XKR6: variants seen among roughly 807,000 people sequenced by gnomAD.
XKR6 encodes the protein XK related 6.
In XKR6, 22 loss-of-function variants were observed where a neutral mutation model predicts 56.7. The observed-to-expected ratio is 0.39, with a 90% confidence interval of 0.28 to 0.55. XKR6 has a LOEUF of 0.55. XKR6 is among the 20% of genes least tolerant of loss of function. XKR6 has a pLI of 0.66. For synonymous variants in XKR6, 524 were observed against 387.8 expected, an observed-to-expected ratio of 1.35 and a Z score of -4.13; for missense variants, 852 against 889.0, an observed-to-expected ratio of 0.96 and a Z score of 0.53.
Position 11,071,374 on chromosome 8 carries a change from G to A in XKR6, c.764+129202C>T, listed in dbSNP as rs554120980. 1.1e-4 allele frequency among the ~76,000 whole-genome samples: 16 copies of A among 152,310 alleles called. No homozygotes were observed. In the South Asian group the frequency reaches 3.3e-3, roughly 32 times the overall value. On this transcript the variant is annotated intron_variant, in intron 1 of 2. Transcript: ENST00000416569. The stretch of plus-strand genomic sequence containing the variant: ...CGTGCCTCAGCCTCCCAAGTAGCTA[G>A]GATTACAGGCACGCGCCACCATGCC...
intron 1 of XKR6, among the ~76,000 whole-genome samples, chr8:10,952,145 C>A (rs1197448402): frequency 6.6e-6 from 1 of 152,208 alleles, no homozygotes; most frequent in Non-Finnish European, 1.5e-5. Context: ...CCATCCCAGG[C>A]CTCAGCCCAC....
At chr8:11,063,744 G>T (rs1586495659) in intron 1 of XKR6, among the ~76,000 whole-genome samples, 1 of 152,080 alleles carries the variant, frequency 6.6e-6, no homozygotes, top group African/African-American at 2.4e-5. Context: ...TTCCTGATAC[G>T]CTTGGCTCAG....
At position 11,200,071 on chromosome 8, in the gene XKR6, G is replaced by A. The variant is rs1014035723; in HGVS notation, c.764+505C>T. ...GAGGGGGAAGGGGCGTGGAATCCAG[G>A]AGTGCTCGGAGGCGGCAGCAAGGGT... is the stretch of plus-strand genomic sequence containing the variant. On this transcript the variant is annotated intron_variant, in intron 1 of 2. Coordinates refer to ENST00000416569, the MANE Select transcript of XKR6 (RefSeq NM_173683.4). This position sits in a 1 kb window ranked among gnomAD's most constrained non-coding sequence, Gnocchi z 6.4. 3.3e-5 allele frequency among the ~76,000 whole-genome samples: 5 copies of A among 152,204 alleles called. No homozygotes were observed. The highest frequency in any genetic ancestry group is 1.2e-4 in the African/African-American group (5 of 41,450).
intron 1 of XKR6, among the ~76,000 whole-genome samples, chr8:10,984,732 C>CTCTA: frequency 2.4e-3 from 112 of 47,480 alleles, no homozygotes; most frequent in African/African-American, 3.2e-3. Context: ...CTCTCTCTCT[C>CTCTA]TATATATATA....
chr8:11,154,401 T>C (rs1482489372), intron 1 of XKR6, among the ~76,000 whole-genome samples: 3 of 152,244 alleles, frequency 2.0e-5, no homozygotes, highest in Middle Eastern at 3.2e-3. Context: ...CCAGCCTCCA[T>C]GGAAGAGGAG....
intron 1 of XKR6, among the ~76,000 whole-genome samples, chr8:10,949,336 C>A (rs1000722439): frequency 1.3e-4 from 20 of 152,268 alleles, no homozygotes; most frequent in Admixed American, 1.2e-3. Context: ...CTTGGTGACC[C>A]AGCATGGGCC....
chr8:10,975,504 C>T (rs772675279), intron 1 of XKR6, among the ~76,000 whole-genome samples: 3 of 152,232 alleles, frequency 2.0e-5, no homozygotes, highest in African/African-American at 7.2e-5. Flanking sequence ...TCCATGCCCT[C>T]GCCCACCACC....
intron 1 of XKR6, among the ~76,000 whole-genome samples, chr8:10,992,231 G>GC (rs34044691): frequency 6.6e-6 from 1 of 152,068 alleles, no homozygotes; most frequent in Non-Finnish European, 1.5e-5. Context: ...AAATTCTACA[G>GC]CCCCATTAAC....
At chr8:11,172,994 A>G (rs1802454283) in intron 1 of XKR6, among the ~76,000 whole-genome samples, 1 of 152,152 alleles carries the variant, frequency 6.6e-6, no homozygotes. Flanking sequence ...ACAGATCTAT[A>G]ATTTCCATTT....
chr8:11,004,797 A>C (rs746815551), intron 1 of XKR6, among the ~76,000 whole-genome samples: 14 of 152,260 alleles, frequency 9.2e-5, no homozygotes. Context: ...CCAAGTGTCC[A>C]TCAAACAATG....
intron 1 of XKR6, among the ~76,000 whole-genome samples, chr8:11,151,240 G>A (rs1255784318): frequency 6.6e-6 from 1 of 152,110 alleles, no homozygotes; most frequent in Non-Finnish European, 1.5e-5. Context: ...ATGCAACCTT[G>A]AAATTATTTA....
intron 1 of XKR6, among the ~76,000 whole-genome samples, chr8:11,182,033 C>T (rs1803014433): frequency 6.6e-6 from 1 of 152,228 alleles, no homozygotes; most frequent in African/African-American, 2.4e-5. Flanking sequence ...GATCCGCTCG[C>T]TTCCCAAAGT....
chr8:10,988,631 G>C (rs767458335), intron 1 of XKR6, among the ~76,000 whole-genome samples: 4 of 152,192 alleles, frequency 2.6e-5, no homozygotes, highest in Non-Finnish European at 5.9e-5. Flanking sequence ...CTGCTGACAA[G>C]GGCACACCCC....
chr8:11,093,256 T>C (rs1399298770), intron 1 of XKR6, among the ~76,000 whole-genome samples: 1 of 152,190 alleles, frequency 6.6e-6, no homozygotes, highest in African/African-American at 2.4e-5. Flanking sequence ...GCTTTCACCA[T>C]GTTGACCAGG....
At chr8:11,149,211 C>T (rs1420892826) in intron 1 of XKR6, among the ~76,000 whole-genome samples, 3 of 152,226 alleles carry the variant, frequency 2.0e-5, no homozygotes, top group Non-Finnish European at 4.4e-5. Context: ...TGCACTTACA[C>T]ACGCCTAGAT....
At chr8:11,143,732 G>T (rs951240237) in intron 1 of XKR6, among the ~76,000 whole-genome samples, 11 of 152,136 alleles carry the variant, frequency 7.2e-5, no homozygotes, top group African/African-American at 2.7e-4. Context: ...CTAATTTCCT[G>T]CTGTGGTCCT....
chr8:10,897,063 G>A lies in XKR6; in HGVS notation c.*889C>T, dbSNP rs1266997722. The A allele has an allele frequency of 6.6e-6, 1 of 152,540 alleles. No individual in the cohort carries two copies. Among genetic ancestry groups the A allele is most frequent in the Non-Finnish European group, 1.5e-5 (1 of 68,026 alleles). 9.4% of individuals were successfully genotyped at this position (152,540 alleles called of 1,614,324 possible). ...TATCCTGTCCTTACCGAATTATTGCGGTGGCTTTTTGTTTTGTTCTGGTTT... is the reference window on the plus strand; with the variant it reads ...TATCCTGTCCTTACCGAATTATTGCAGTGGCTTTTTGTTTTGTTCTGGTTT... On this transcript the variant is annotated 3_prime_UTR_variant, in exon 3 of 3. Coordinates refer to ENST00000416569, the MANE Select transcript of XKR6 (RefSeq NM_173683.4).
At chr8:10,939,443 C>G (rs544325874) in intron 1 of XKR6, among the ~76,000 whole-genome samples, 228 of 152,328 alleles carry the variant, frequency 1.5e-3, no homozygotes, top group African/African-American at 5.1e-3. Context: ...GACAGCTGCT[C>G]CCACAGTCCT....
chr8:11,142,038 G>T (rs1342382858), intron 1 of XKR6, among the ~76,000 whole-genome samples: 4 of 146,668 alleles, frequency 2.7e-5, no homozygotes, highest in African/African-American at 1.0e-4. Context: ...AAAAAAAAAA[G>T]GAAAAAAGGA....
Sources: allele counts gnomAD v4.1 joint callset (sites outside exome capture counted in the v4.1 genomes callset), GRCh38; gene constraint gnomAD v4.1.1; non-coding constraint Gnocchi (gnomAD v3.1); transcripts MANE v1.5; gene names NCBI Gene and HGNC (gene_info 2026-07-23, HGNC 2026-07-21).